The following SIRT3 variants were observed in gnomAD, a reference collection of about 807,000 sequenced individuals.
SIRT3 encodes the protein NAD-dependent protein deacetylase sirtuin-3, mitochondrial.
A neutral mutation model predicts 33.5 loss-of-function variants in SIRT3; 26 were observed. The observed-to-expected ratio is 0.78, with a 90% CI of 0.57 to 1.08. The LOEUF is 1.08. Among genes scored for constraint, SIRT3 ranks in the 50% least tolerant of loss-of-function variants. SIRT3 has a pLI of 0.00. For missense variants in SIRT3, 585 were observed against 530.1 expected (o/e 1.10, Z -1.02); for synonymous variants, 237 against 222.1 (o/e 1.07, Z -0.60).
Position 218,979 on chromosome 11 carries a change from G to A in SIRT3, c.1032C>T (p.Asn344=). The A allele has an allele frequency of 1.9e-6, 3 of 1,614,168 alleles. No homozygotes were observed. The highest frequency in any genetic ancestry group is 2.5e-6 in the Non-Finnish European group (3 of 1,180,028). ...VRSSVPRLLI[N]RDLVGPLAWH... is the part of the protein sequence containing the mutation. Reference sequence around the variant, plus strand: ...AAGCCAAGGGCCCCACCAAGTCCCGGTTGATGAGCAGTCGGGGAACTGAGC... The same window carrying A: ...AAGCCAAGGGCCCCACCAAGTCCCGATTGATGAGCAGTCGGGGAACTGAGC... Residue 344 remains asparagine (N), a synonymous_variant, in exon 6 of 7, where the codon AAC becomes AAT. Coordinates refer to ENST00000382743, the MANE Select transcript of SIRT3 (RefSeq NM_012239.6).
chr11:219,582 C>T (rs1856146379), intron 5 of SIRT3, among the ~76,000 whole-genome samples: 1 of 151,186 alleles, frequency 6.6e-6, no homozygotes, highest in Admixed American at 6.6e-5. Flanking sequence ...CAGGCTTCTT[C>T]ATACAGCTCT....
At chr11:226,280 G>A (rs1379437601) in intron 4 of SIRT3, among the ~76,000 whole-genome samples, 2 of 152,090 alleles carry the variant, frequency 1.3e-5, no homozygotes, top group Non-Finnish European at 2.9e-5. Context: ...GGGGAGGGAG[G>A]GGTACAGTGA....
intron 4 of SIRT3, among the ~76,000 whole-genome samples, chr11:224,780 C>T (rs1490382997): frequency 6.6e-6 from 1 of 152,124 alleles, no homozygotes; most frequent in Non-Finnish European, 1.5e-5. Flanking sequence ...TGCTTCCTTA[C>T]TGGCCAAGGT....
intron 5 of SIRT3, among the ~76,000 whole-genome samples, chr11:219,360 C>A (rs1856112221): frequency 6.6e-6 from 1 of 152,180 alleles, no homozygotes; most frequent in Non-Finnish European, 1.5e-5. Flanking sequence ...ACGTTCTGTT[C>A]TCCCTGTCCT....
chr11:230,191 G>A (rs895884732), intron 4 of SIRT3, among the ~76,000 whole-genome samples: 4 of 136,804 alleles, frequency 2.9e-5, no homozygotes, highest in East Asian at 4.4e-4. Flanking sequence ...CAGCCTGGGC[G>A]ACAGAGTGAG....
chr11:216,957 A>G (rs79591728), intron 6 of SIRT3, among the ~76,000 whole-genome samples: 11,600 of 152,306 alleles, frequency 0.076, 1,043 homozygotes, highest in East Asian at 0.43. Flanking sequence ...ATCAATATGT[A>G]CTGATGCTCA....
At chr11:228,764 T>C (rs977539287) in intron 4 of SIRT3, among the ~76,000 whole-genome samples, 1 of 149,142 alleles carries the variant, frequency 6.7e-6, no homozygotes, top group Non-Finnish European at 1.5e-5. Context: ...AAAACTTCTA[T>C]GCATCAAAAG....
At chr11:231,736 A>G (rs1858045790) in intron 3 of SIRT3, among the ~76,000 whole-genome samples, 1 of 152,166 alleles carries the variant, frequency 6.6e-6, no homozygotes, top group East Asian at 1.9e-4. Flanking sequence ...CTGGGAGAAG[A>G]GCCCACCAAC....
rs1366374185 is a variant in SIRT3, at chr11:230,451, C to T, written c.807+1G>A. The T allele has an allele frequency of 4.8e-6, 7 of 1,445,706 alleles. No homozygotes were observed. The highest frequency in any genetic ancestry group is 6.4e-6 in the Non-Finnish European group (7 of 1,092,068). 89.6% of individuals were successfully genotyped at this position (1,445,706 alleles called of 1,614,324 possible). On this transcript the variant is annotated splice_donor_variant, in intron 4 of 6. Coordinates refer to ENST00000382743, the MANE Select transcript of SIRT3 (RefSeq NM_012239.6). LOFTEE classifies it high-confidence loss of function. Reference sequence around the variant, plus strand: ...GGACAACCAACAGCAGGATAACTCACCCGAATGTCCTCCCCTGGGAAGGGT... The same window carrying T: ...GGACAACCAACAGCAGGATAACTCATCCGAATGTCCTCCCCTGGGAAGGGT...
At chr11:229,976 T>C (rs1172788211) in intron 4 of SIRT3, among the ~76,000 whole-genome samples, 1 of 152,020 alleles carries the variant, frequency 6.6e-6, no homozygotes, top group Non-Finnish European at 1.5e-5. Flanking sequence ...CATTTAGCCA[T>C]GAAACAGGAT....
intron 4 of SIRT3, among the ~76,000 whole-genome samples, chr11:226,317 C>T (rs897081070): frequency 3.4e-4 from 51 of 152,132 alleles, no homozygotes; most frequent in African/African-American, 1.2e-3. Flanking sequence ...TCTCCTGCTA[C>T]GGCCAGGAAC....
chr11:231,727 T>C (rs1839299023), intron 3 of SIRT3, among the ~76,000 whole-genome samples: 1 of 152,178 alleles, frequency 6.6e-6, no homozygotes, highest in East Asian at 1.9e-4. Context: ...GCTGCACCTC[T>C]GGGAGAAGAG....
intron 6 of SIRT3, 95 bp from the exon 7 acceptor site, chr11:216,813 A>T: frequency 3.0e-6 from 4 of 1,321,324 alleles, no homozygotes; most frequent in Middle Eastern, 3.6e-4. Flanking sequence ...GCAGACATGC[A>T]AAATATTTCA....
intron 1 of SIRT3, among the ~76,000 whole-genome samples, chr11:234,403 TTTTTGTTTTGTTTTG>T (rs1554893541): frequency 4.0e-5 from 6 of 151,318 alleles, no homozygotes; most frequent in African/African-American, 1.5e-4. Flanking sequence ...GTAGCAAGGA[TTTTTGTTTTGTTTTG>T]TTTTGTTTTG....
chr11:229,776 A>G (rs940634795), intron 4 of SIRT3, among the ~76,000 whole-genome samples: 3 of 152,056 alleles, frequency 2.0e-5, no homozygotes, highest in Non-Finnish European at 4.4e-5. Context: ...AAATAAATAA[A>G]TATAGCTAAA....
chr11:232,112 A>C (rs1481305791), intron 3 of SIRT3, among the ~76,000 whole-genome samples: 1 of 151,338 alleles, frequency 6.6e-6, no homozygotes, highest in African/African-American at 2.4e-5. Context: ...TTTTTTAATT[A>C]TTTTTATTTT....
intron 4 of SIRT3, among the ~76,000 whole-genome samples, chr11:227,910 C>T (rs1857394887): frequency 6.6e-6 from 1 of 152,230 alleles, no homozygotes; most frequent in Admixed American, 6.5e-5. Context: ...GCGTGAGCCA[C>T]TGTGCCCAGT....
Position 236,212 on chromosome 11 carries a change from C to G in SIRT3, c.117G>C (p.Val39=), listed in dbSNP as rs1273946168. 1 of 1,558,750 alleles carries G rather than the reference C, an allele frequency of 6.4e-7. No individual in the cohort carries two copies. Among genetic ancestry groups the G allele is most frequent in the Admixed American group, 1.9e-5 (1 of 53,566 alleles). ...CACTCACATCGTCCCTGCCGCCAAG[C>G]ACCAGCCGACAGCCGCAGGCCTGAA... ...GPFQACGCRL[V]LGGRDDVSAG... The change falls in exon 1 of 7, where the codon GTG becomes GTC. Residue 39 remains valine (V), a synonymous_variant. Coordinates refer to ENST00000382743, the MANE Select transcript of SIRT3 (RefSeq NM_012239.6).
Position 220,410 on chromosome 11 carries a change from A to C in SIRT3, c.970-1369T>G, listed in dbSNP as rs184844854. ...TATTATTTAATTTATACTAAAATTA[A>C]AACTAATTTATATTGCTAATTTATA... On this transcript the variant is annotated intron_variant, in intron 5 of 6. Coordinates refer to ENST00000382743, the MANE Select transcript of SIRT3 (RefSeq NM_012239.6). 4.6e-5 allele frequency among the ~76,000 whole-genome samples: 7 copies of C among 151,676 alleles called. No homozygotes were observed. The South Asian group carries it at 8.3e-4, about 18-fold the overall frequency.
Sources: gnomAD v4.1 joint callset for allele counts (sites outside exome capture counted in the v4.1 genomes callset) on GRCh38, gnomAD v4.1.1 for gene constraint, MANE v1.5 for transcripts, NCBI Gene and HGNC (gene_info 2026-07-23, HGNC 2026-07-21) for gene names.